Variants in SLC35D4 observed in about 807,000 individuals in gnomAD.
SLC35D4 encodes the protein UDP-N-acetylglucosamine transporter SLC35D4.
At chr18:23,261,432 G>C in the SLC35D4 span, among the ~76,000 whole-genome samples, 1 of 152,008 alleles carries the variant, frequency 6.6e-6, no homozygotes, top group Non-Finnish European at 1.5e-5. Context: ...CACCAGCCTG[G>C]GCAACATGGC....
chr18:23,435,887 G>A, the SLC35D4 span, among the ~76,000 whole-genome samples: 8 of 151,892 alleles, frequency 5.3e-5, no homozygotes, highest in African/African-American at 1.9e-4. Context: ...GTAGAGATGG[G>A]GTTTCACCAT....
the SLC35D4 span, among the ~76,000 whole-genome samples, chr18:23,262,411 C>A: frequency 6.6e-6 from 1 of 152,250 alleles, no homozygotes; most frequent in Non-Finnish European, 1.5e-5. Context: ...GGGTTCCCAA[C>A]AGCACTGGAG....
the SLC35D4 span, chr18:23,253,968 G>A: frequency 1.9e-6 from 3 of 1,586,818 alleles, no homozygotes; most frequent in African/African-American, 1.3e-5. Context: ...GGCTGGAGGA[G>A]CACATGCTCC....
At chr18:23,388,991 T>TG in the SLC35D4 span, among the ~76,000 whole-genome samples, 1 of 148,244 alleles carries the variant, frequency 6.7e-6, no homozygotes. Flanking sequence ...GTAGTTCTTT[T>TG]TTTTTTTTTT....
At chr18:23,418,349 AATTATTATTATTATT>A in the SLC35D4 span, among the ~76,000 whole-genome samples, 4 of 142,584 alleles carry the variant, frequency 2.8e-5, no homozygotes, top group Non-Finnish European at 6.1e-5. Flanking sequence ...GAGAAGCCAA[AATTATTATTATTATT>A]ATTATTATTA....
At chr18:23,397,108 G>A in the SLC35D4 span, among the ~76,000 whole-genome samples, 3 of 152,090 alleles carry the variant, frequency 2.0e-5, no homozygotes, top group African/African-American at 7.2e-5. Flanking sequence ...GCGGCGGGGG[G>A]AGGGTAAAGC....
At chr18:23,337,139 C>G in the SLC35D4 span, among the ~76,000 whole-genome samples, 1 of 149,934 alleles carries the variant, frequency 6.7e-6, no homozygotes, top group African/African-American at 2.5e-5. Flanking sequence ...CTTGAAACTT[C>G]CCTACAAATG....
the SLC35D4 span, among the ~76,000 whole-genome samples, chr18:23,294,565 C>A: frequency 6.6e-6 from 1 of 152,078 alleles, no homozygotes; most frequent in African/African-American, 2.4e-5. Context: ...GAACAACAGG[C>A]AGGGGGCAAC....
the SLC35D4 span, among the ~76,000 whole-genome samples, chr18:23,393,113 C>T: frequency 6.6e-6 from 1 of 152,000 alleles, no homozygotes; most frequent in Non-Finnish European, 1.5e-5. Context: ...GACGGGGTTT[C>T]ACCATGTTGG....
At chr18:23,399,705 A>G in the SLC35D4 span, 2 of 1,562,262 alleles carry the variant, frequency 1.3e-6, no homozygotes, top group Non-Finnish European at 1.8e-6. Flanking sequence ...AGAAAGACCT[A>G]GCTGGAAAGG....
the SLC35D4 span, among the ~76,000 whole-genome samples, chr18:23,420,472 G>A: frequency 6.6e-6 from 1 of 151,882 alleles, no homozygotes; most frequent in Admixed American, 6.6e-5. Context: ...CTCCCAGGCT[G>A]AGGTGATCCT....
chr18:23,432,355 G>A, the SLC35D4 span, among the ~76,000 whole-genome samples: 3 of 152,112 alleles, frequency 2.0e-5, no homozygotes, highest in Admixed American at 6.5e-5. Flanking sequence ...CTATTCTATT[G>A]AACAGCAAAG....
At chr18:23,430,246 ATT>A in the SLC35D4 span, among the ~76,000 whole-genome samples, 6 of 150,472 alleles carry the variant, frequency 4.0e-5, no homozygotes, top group Admixed American at 1.3e-4. Context: ...TTTCTTTTTT[ATT>A]TTTTTTTTGT....
chr18:23,262,623 C>T, the SLC35D4 span, among the ~76,000 whole-genome samples: 91 of 152,316 alleles, frequency 6.0e-4, no homozygotes, highest in Middle Eastern at 3.4e-3. Context: ...TACCAGGTGC[C>T]GTGAGGCTGT....
the SLC35D4 span, among the ~76,000 whole-genome samples, chr18:23,332,420 A>G: frequency 1.5e-5 from 2 of 132,188 alleles, no homozygotes; most frequent in Non-Finnish European, 3.2e-5. Context: ...ATGTTGTATT[A>G]TGTAGATGTT....
the SLC35D4 span, among the ~76,000 whole-genome samples, chr18:23,330,683 C>T: frequency 6.6e-6 from 1 of 152,186 alleles, no homozygotes; most frequent in Non-Finnish European, 1.5e-5. Context: ...CTCTGCGGAG[C>T]TGCAGAGTGA....
the SLC35D4 span, among the ~76,000 whole-genome samples, chr18:23,316,772 A>C: frequency 6.6e-6 from 1 of 152,242 alleles, no homozygotes; most frequent in Non-Finnish European, 1.5e-5. Context: ...AAGAGAATTA[A>C]ACTAGAAAAC....
At chr18:23,370,224 A>C in the SLC35D4 span, 1 of 1,608,548 alleles carries the variant, frequency 6.2e-7, no homozygotes, top group Admixed American at 1.7e-5. Context: ...ACCTTAATGC[A>C]CTGGGTTTCT....
chr18:23,371,935 G>GTTTTTTTTTGTTTTTT, the SLC35D4 span, among the ~76,000 whole-genome samples: 1 of 35,480 alleles, frequency 2.8e-5, no homozygotes, highest in African/African-American at 1.2e-4. Context: ...TGTTTTTTTT[G>GTTTTTTTTTGTTTTTT]TTTTTTTTTT....
Sources: allele counts gnomAD v4.1 joint callset (sites outside exome capture counted in the v4.1 genomes callset), GRCh38; gene constraint gnomAD v4.1.1; transcripts MANE v1.5; gene names NCBI Gene and HGNC (gene_info 2026-07-23, HGNC 2026-07-21).